ZFPM2: variants seen among roughly 807,000 people sequenced by gnomAD.
The protein encoded by ZFPM2 is zinc finger protein ZFPM2.
In ZFPM2, 20 loss-of-function variants were observed where a neutral mutation model predicts 98.6. That is an observed-to-expected ratio of 0.20 (90% CI 0.14 to 0.29). The LOEUF (loss-of-function observed/expected upper bound fraction) is 0.29. Among genes scored for constraint, ZFPM2 ranks in the 10% least tolerant of loss-of-function variants. ZFPM2 has a pLI of 1.00. For synonymous variants in ZFPM2, 518 were observed against 502.7 expected (o/e 1.03, Z -0.41); for missense variants, 1,310 against 1,388.6 (o/e 0.94, Z 0.90).
intron 5 of ZFPM2, among the ~76,000 whole-genome samples, chr8:105,751,951 A>G (rs977380195): frequency 1.3e-5 from 2 of 152,116 alleles, no homozygotes; most frequent in Non-Finnish European, 2.9e-5. Flanking sequence ...CATTAGTCGA[A>G]TCCATATTTC....
chr8:105,546,581 A>C (rs867652544), intron 3 of ZFPM2, among the ~76,000 whole-genome samples: 36 of 150,006 alleles, frequency 2.4e-4, no homozygotes, highest in Admixed American at 4.6e-4. Flanking sequence ...AAAAAAAAAA[A>C]AAACAAACCC....
At chr8:105,599,017 G>A (rs1364156974) in intron 4 of ZFPM2, among the ~76,000 whole-genome samples, 2 of 152,070 alleles carry the variant, frequency 1.3e-5, no homozygotes, top group East Asian at 3.9e-4. Context: ...ACACTAGCTA[G>A]CATGGCTATG....
At chr8:105,603,831 C>A (rs1816143024) in intron 4 of ZFPM2, among the ~76,000 whole-genome samples, 1 of 152,030 alleles carries the variant, frequency 6.6e-6, no homozygotes, top group South Asian at 2.1e-4. Flanking sequence ...GTCCCTCCTT[C>A]CTGAAGCACT....
At chr8:105,775,216 A>G (rs1025777799) in intron 5 of ZFPM2, among the ~76,000 whole-genome samples, 2 of 152,098 alleles carry the variant, frequency 1.3e-5, no homozygotes, top group Admixed American at 1.3e-4. Context: ...GAGAAGTGGA[A>G]GGAGAAAGAA....
intron 1 of ZFPM2, among the ~76,000 whole-genome samples, chr8:105,337,037 C>G (rs1336545408): frequency 6.6e-6 from 1 of 151,702 alleles, no homozygotes; most frequent in Admixed American, 6.6e-5. Context: ...AAAAGATCAT[C>G]GAAGAAACCA....
At chr8:105,788,954 T>C (rs1024873744) in intron 6 of ZFPM2, 30 bp downstream of exon 6, 11 of 1,541,974 alleles carry the variant, frequency 7.1e-6, no homozygotes, top group Non-Finnish European at 9.7e-6. Flanking sequence ...TAGCCCAGCT[T>C]TAGAGGTGAT....
chr8:105,517,709 A>C (rs200430712), intron 3 of ZFPM2, among the ~76,000 whole-genome samples: 1,238 of 42,872 alleles, frequency 0.029, 3 homozygotes, highest in African/African-American at 0.056. Flanking sequence ...CACACACACC[A>C]CACACACACA....
chr8:105,472,658 G>T (rs976187611), intron 3 of ZFPM2, among the ~76,000 whole-genome samples: 16 of 151,518 alleles, frequency 1.1e-4, no homozygotes, highest in African/African-American at 3.9e-4. Flanking sequence ...GCCCACCATC[G>T]CACCCGGCTA....
At chr8:105,792,339 C>A (rs772877532) in intron 6 of ZFPM2, among the ~76,000 whole-genome samples, 5 of 152,120 alleles carry the variant, frequency 3.3e-5, no homozygotes, top group Non-Finnish European at 7.3e-5. Context: ...GCCTTCATTT[C>A]GTTACGTACC....
At chr8:105,587,092 C>T (rs60017137) in intron 4 of ZFPM2, among the ~76,000 whole-genome samples, 2 of 151,108 alleles carry the variant, frequency 1.3e-5, no homozygotes, top group East Asian at 2.0e-4. Flanking sequence ...CTGGCTAACA[C>T]GGTGAAACCC....
At chr8:105,505,134 TGAGCC>T (rs1367126125) in intron 3 of ZFPM2, among the ~76,000 whole-genome samples, 3 of 152,158 alleles carry the variant, frequency 2.0e-5, no homozygotes, top group Non-Finnish European at 4.4e-5. Context: ...TTCAGTTCTC[TGAGCC>T]TTCGATTTTC....
intron 1 of ZFPM2, among the ~76,000 whole-genome samples, chr8:105,378,236 T>TG (rs1312857093): frequency 6.6e-6 from 1 of 152,128 alleles, no homozygotes; most frequent in Non-Finnish European, 1.5e-5. Context: ...GAAGAAGAAC[T>TG]GGGGGTGAAC....
At chr8:105,793,741 G>T (rs2131152364) in intron 6 of ZFPM2, among the ~76,000 whole-genome samples, 2 of 151,936 alleles carry the variant, frequency 1.3e-5, no homozygotes, top group South Asian at 4.2e-4. Flanking sequence ...CGTAGATTTG[G>T]TCTTTTCACA....
At chr8:105,515,796 G>A (rs1159147139) in intron 3 of ZFPM2, among the ~76,000 whole-genome samples, 3 of 151,888 alleles carry the variant, frequency 2.0e-5, no homozygotes. Flanking sequence ...GAGTAGGGGA[G>A]CTCTTCTCTC....
intron 5 of ZFPM2, among the ~76,000 whole-genome samples, chr8:105,726,360 A>C (rs544657405): frequency 6.6e-6 from 1 of 151,868 alleles, no homozygotes; most frequent in African/African-American, 2.4e-5. Context: ...TGGAGAGGAG[A>C]AAGCTATGGG....
intron 4 of ZFPM2, among the ~76,000 whole-genome samples, chr8:105,601,272 C>G (rs1049555940): frequency 6.6e-6 from 1 of 152,068 alleles, no homozygotes; most frequent in East Asian, 1.9e-4. Flanking sequence ...TATGAAAACA[C>G]CAAGCCCAGT....
chr8:105,485,315 GT>G (rs373947051), intron 3 of ZFPM2, among the ~76,000 whole-genome samples: 2,446 of 151,332 alleles, frequency 0.016, 62 homozygotes, highest in African/African-American at 0.057. Context: ...TTGTTTGTTT[GT>G]TTTTGATTGA....
At chr8:105,330,613 CATATAT>C (rs56037877) in intron 1 of ZFPM2, among the ~76,000 whole-genome samples, 6,910 of 90,370 alleles carry the variant, frequency 0.076, 422 homozygotes, top group Non-Finnish European at 0.088. Flanking sequence ...TATATATACA[CATATAT>C]ATATATATAT....
chr8:105,595,718 A>G (rs906562219), intron 4 of ZFPM2, among the ~76,000 whole-genome samples: 1 of 152,144 alleles, frequency 6.6e-6, no homozygotes. Context: ...TCTTTATTCA[A>G]TGGTACTAGA....
Sources: allele counts gnomAD v4.1 joint callset (sites outside exome capture counted in the v4.1 genomes callset), GRCh38; gene constraint gnomAD v4.1.1; transcripts MANE v1.5; gene names NCBI Gene and HGNC (gene_info 2026-07-23, HGNC 2026-07-21).